The following DMD variants were observed in gnomAD, a reference collection of about 807,000 sequenced individuals.
DMD encodes the protein dystrophin, also known as mutant dystrophin.
In DMD, 63 loss-of-function variants were observed where a neutral mutation model predicts 330.1. That is an observed-to-expected ratio of 0.19 (90% CI 0.16 to 0.24). The LOEUF (loss-of-function observed/expected upper bound fraction) is 0.24. Among genes scored for constraint, DMD ranks in the 10% least tolerant of loss-of-function variants. DMD has a pLI of 1.00. For synonymous variants in DMD, 1,223 were observed against 959.8 expected, an observed-to-expected ratio of 1.27 and a Z score of -5.07; for missense variants, 3,344 against 2,684.1, an observed-to-expected ratio of 1.25 and a Z score of -5.43.
intron 44 of DMD, among the ~76,000 whole-genome samples, chrX:32,078,470 G>A (rs991616317): frequency 8.9e-6 from 1 of 111,838 alleles, no homozygotes; most frequent in African/African-American, 3.3e-5. Flanking sequence ...CCAATCACTT[G>A]CCACCATAAT....
intron 43 of DMD, among the ~76,000 whole-genome samples, chrX:32,220,981 A>G (rs750485985): frequency 1.2e-4 from 13 of 111,722 alleles, no homozygotes; most frequent in Non-Finnish European, 1.9e-4. Flanking sequence ...TAAAATTCTC[A>G]TTCACCGTGC....
chrX:32,746,710 T>G (rs2070065495), intron 7 of DMD, among the ~76,000 whole-genome samples: 1 of 112,038 alleles, frequency 8.9e-6, no homozygotes, highest in Non-Finnish European at 1.9e-5. Flanking sequence ...GTTGGGAAGT[T>G]TCAAAATCCT....
At chrX:33,026,774 A>G (rs2094012904) in intron 1 of DMD, among the ~76,000 whole-genome samples, 1 of 111,989 alleles carries the variant, frequency 8.9e-6, no homozygotes, top group Admixed American at 9.5e-5. Context: ...TTTATTTCCC[A>G]TTCGCTTTAC....
intron 1 of DMD, among the ~76,000 whole-genome samples, chrX:33,062,940 A>T (rs187854787): frequency 4.6e-4 from 52 of 112,202 alleles, no homozygotes; most frequent in African/African-American, 1.4e-3. Flanking sequence ...GCATCAATTC[A>T]CCATCTGTGC....
intron 29 of DMD, among the ~76,000 whole-genome samples, chrX:32,412,729 T>C (rs748573446): frequency 9.0e-6 from 1 of 111,641 alleles, no homozygotes; most frequent in Non-Finnish European, 1.9e-5. Context: ...GAATTCATTA[T>C]GTGTCATTTA....
chrX:32,465,994 C>A lies in DMD; in HGVS notation c.3163-1295G>T, dbSNP rs187040572. On this transcript the variant is annotated intron_variant, in intron 23 of 78. Coordinates refer to ENST00000357033, the MANE Select transcript of DMD (RefSeq NM_004006.3). ...ACAGTGATGCCAGTAATCTCCTCTCCTCCTTCCTCTCATCTTGGGAATGTT... is the reference window on the plus strand; with the variant it reads ...ACAGTGATGCCAGTAATCTCCTCTCATCCTTCCTCTCATCTTGGGAATGTT... 1.9e-3 allele frequency among the ~76,000 whole-genome samples: 209 copies of A among 111,425 alleles called. 4 individuals carry two copies. The highest frequency in any genetic ancestry group is 2.5e-3 in the Non-Finnish European group (131 of 53,065).
chrX:31,951,049 AT>A (rs1163756463), intron 45 of DMD, among the ~76,000 whole-genome samples: 1 of 101,115 alleles, frequency 9.9e-6, no homozygotes, highest in Non-Finnish European at 2.0e-5. Context: ...ATTTCTTTAG[AT>A]TTTGTAATAT....
intron 7 of DMD, among the ~76,000 whole-genome samples, chrX:32,736,261 A>C (rs2068468088): frequency 9.0e-6 from 1 of 111,378 alleles, no homozygotes; most frequent in Admixed American, 9.5e-5. Flanking sequence ...AAAAGTCAGG[A>C]AACAACAGGT....
Position 32,252,735 on chromosome X carries a change from TATATATATAAATATATATAA to T in DMD, c.6290+34774_6290+34793del, listed in dbSNP as rs1569553635. Among the ~76,000 whole-genome samples, 7 of 27,108 alleles carry T rather than the reference TATATATATAAATATATATAA, an allele frequency of 2.6e-4. No individual in the cohort carries two copies. In the South Asian group the frequency reaches 6.4e-3, roughly 25 times the overall value. The allele number at this position is 27,108 out of a possible 115,157, so 23.5% of individuals were successfully genotyped here. On this transcript the variant is annotated intron_variant, in intron 43 of 78. Transcript: ENST00000357033. ...ATATAAATATATATAAATATATAAA[TATATATATAAATATATATAA>T]ATATATAAATATATATAAATATATA...
At chrX:31,324,850 C>A (rs1389368404) in intron 61 of DMD, among the ~76,000 whole-genome samples, 1 of 111,912 alleles carries the variant, frequency 8.9e-6, no homozygotes, top group East Asian at 2.8e-4. Flanking sequence ...TATGAAAGAA[C>A]AGCTTCTAAT....
At position 31,779,724 on chromosome X, in the gene DMD, GAGAC is replaced by G. The variant is rs779548433; in HGVS notation, c.7310-5536_7310-5533del. On this transcript the variant is annotated intron_variant, in intron 50 of 78. Transcript: ENST00000357033. ...GTGTGTGTGTGTGTGTGTGTAAAGAGAGACAGACAGAGACAGAGCAAGAGAGAGA... is the reference window on the plus strand; with the variant it reads ...GTGTGTGTGTGTGTGTGTGTAAAGAGAGACAGAGACAGAGCAAGAGAGAGA... Among the ~76,000 whole-genome samples, 24 of 106,811 alleles carry G rather than the reference GAGAC, an allele frequency of 2.2e-4. No homozygotes were observed. In the East Asian group the frequency reaches 4.3e-3, roughly 19 times the overall value. The allele number at this position is 106,811 out of a possible 115,157, so 92.8% of individuals were successfully genotyped here. A position where few individuals can be genotyped will look rare whatever the true frequency, so the allele number is the denominator to read the frequency against.
intron 55 of DMD, among the ~76,000 whole-genome samples, chrX:31,564,023 C>T (rs974152586): frequency 9.0e-6 from 1 of 110,969 alleles, no homozygotes; most frequent in African/African-American, 3.3e-5. Flanking sequence ...GAGACAGACA[C>T]GTACACAGGG....
chrX:32,543,188 A>T (rs1329581454), intron 17 of DMD, among the ~76,000 whole-genome samples: 1 of 112,018 alleles, frequency 8.9e-6, no homozygotes, highest in East Asian at 2.8e-4. Flanking sequence ...TATTTGAAGA[A>T]TCTTTCTGTA....
intron 55 of DMD, among the ~76,000 whole-genome samples, chrX:31,592,903 A>C (rs72625597): frequency 0.017 from 1,928 of 111,118 alleles, 23 homozygotes; most frequent in East Asian, 0.039. Context: ...TGCCAAATAC[A>C]TGATCGTGGG....
chrX:32,941,143 A>G (rs1476304477), intron 2 of DMD, among the ~76,000 whole-genome samples: 1 of 111,532 alleles, frequency 9.0e-6, no homozygotes, highest in East Asian at 2.8e-4. Context: ...TAAAAACTCA[A>G]AAAACAACAA....
chrX:31,384,246 A>G (rs2060325623), intron 60 of DMD, among the ~76,000 whole-genome samples: 2 of 111,132 alleles, frequency 1.8e-5, no homozygotes, highest in South Asian at 7.6e-4. Context: ...TGCCCCTGCC[A>G]GCACCGAAGC....
intron 2 of DMD, among the ~76,000 whole-genome samples, chrX:32,989,014 A>G (rs755784252): frequency 3.1e-3 from 349 of 111,690 alleles, no homozygotes; most frequent in Non-Finnish European, 5.5e-3. Flanking sequence ...ATAATTCAAA[A>G]AGAAAATAAT....
At chrX:31,149,335 G>C (rs2037112406) in intron 74 of DMD, among the ~76,000 whole-genome samples, 1 of 111,863 alleles carries the variant, frequency 8.9e-6, no homozygotes, top group South Asian at 3.8e-4. Context: ...GCATATCCCT[G>C]GTAGATCCCA....
chrX:31,404,902 G>GA (rs1347438108), intron 60 of DMD, among the ~76,000 whole-genome samples: 1 of 112,264 alleles, frequency 8.9e-6, no homozygotes, highest in Non-Finnish European at 1.9e-5. Context: ...TGTCAGTGCA[G>GA]AGAGTGCGAA....
Sources: gnomAD v4.1 joint callset for allele counts (sites outside exome capture counted in the v4.1 genomes callset) on GRCh38, gnomAD v4.1.1 for gene constraint, MANE v1.5 for transcripts, NCBI Gene and HGNC (gene_info 2026-07-23, HGNC 2026-07-21) for gene names.